CNGB3: variants seen among roughly 807,000 people sequenced by gnomAD.
The protein encoded by CNGB3 is cyclic nucleotide gated channel subunit beta 3.
CNGB3 carries 86 observed loss-of-function variants against 92.8 expected under a neutral mutation model. The observed-to-expected ratio is 0.93, with a 90% CI of 0.78 to 1.11. The LOEUF is 1.11. CNGB3 is among the 50% of genes least tolerant of loss of function. The pLI is 0.00. For synonymous variants in CNGB3, 333 were observed against 332.7 expected (o/e 1.00, Z -0.01); for missense variants, 1,026 against 956.8 (o/e 1.07, Z -0.95).
intron 6 of CNGB3, among the ~76,000 whole-genome samples, chr8:86,666,525 T>C (rs1299739425): frequency 6.6e-6 from 1 of 152,142 alleles, no homozygotes; most frequent in East Asian, 1.9e-4. Flanking sequence ...ATCTTTTTCA[T>C]AGTGTCATTG....
Position 86,734,147 on chromosome 8 carries a change from C to T in CNGB3, c.211+5508G>A, listed in dbSNP as rs111760594. ...CACTGGGATTACAGGCATGAACCAC[C>T]GTGCCTGGCCAGCTTTATTATTATT... On this transcript the variant is annotated intron_variant, in intron 2 of 17. Transcript: ENST00000320005. Among the ~76,000 whole-genome samples the T allele has an allele frequency of 6.3e-3, 957 of 152,266 alleles. 13 individuals carry two copies. The highest frequency in any genetic ancestry group is 0.021 in the African/African-American group (892 of 41,532).
At chr8:86,630,883 A>C (rs1822949459) in intron 11 of CNGB3, among the ~76,000 whole-genome samples, 1 of 152,122 alleles carries the variant, frequency 6.6e-6, no homozygotes, top group Non-Finnish European at 1.5e-5. Context: ...TTAATAAAAA[A>C]AGAGTGATGA....
chr8:86,720,614 A>G (rs1329463391), intron 3 of CNGB3, among the ~76,000 whole-genome samples: 2 of 152,086 alleles, frequency 1.3e-5, no homozygotes, highest in Non-Finnish European at 2.9e-5. Flanking sequence ...GTAAAAGTAG[A>G]TCTACCATTT....
chr8:86,690,269 A>G, intron 3 of CNGB3, among the ~76,000 whole-genome samples: 1 of 152,142 alleles, frequency 6.6e-6, no homozygotes, highest in Non-Finnish European at 1.5e-5. Flanking sequence ...CTGGTGTGAG[A>G]TGGTATCTCA....
At chr8:86,713,424 A>G (rs1271227143) in intron 3 of CNGB3, among the ~76,000 whole-genome samples, 1 of 152,188 alleles carries the variant, frequency 6.6e-6, no homozygotes, top group African/African-American at 2.4e-5. Flanking sequence ...GAGATTTTAC[A>G]GTGCACTTTG....
At chr8:86,620,709 G>A (rs1822708609) in intron 13 of CNGB3, among the ~76,000 whole-genome samples, 1 of 152,166 alleles carries the variant, frequency 6.6e-6, no homozygotes, top group Non-Finnish European at 1.5e-5. Flanking sequence ...TCAGTGAAGG[G>A]AGGAGACTGG....
chr8:86,645,808 GA>G (rs1396334899), intron 8 of CNGB3, among the ~76,000 whole-genome samples: 1 of 151,170 alleles, frequency 6.6e-6, no homozygotes, highest in Admixed American at 6.6e-5. Flanking sequence ...ACAAAGGCAT[GA>G]TTTTAAATTT....
intron 10 of CNGB3, among the ~76,000 whole-genome samples, chr8:86,633,271 G>T (rs887849720): frequency 2.6e-5 from 4 of 152,182 alleles, no homozygotes; most frequent in African/African-American, 9.7e-5. Context: ...TATCTGGAAA[G>T]ATTTGATTGA....
rs550137189 is a variant in CNGB3, at chr8:86,699,933, C to T, written c.338+26598G>A. Among the ~76,000 whole-genome samples, 11 of 152,054 alleles carry T rather than the reference C, an allele frequency of 7.2e-5. No individual in the cohort carries two copies. In the South Asian group the frequency reaches 2.3e-3, roughly 32 times the overall value. ...TTCCCATCCTCCCTTCCTTTCCTCC[C>T]TCTATCATCCAATCTCTCTTTCTTT... is the stretch of plus-strand genomic sequence containing the variant. On this transcript the variant is annotated intron_variant, in intron 3 of 17. Transcript: ENST00000320005.
intron 3 of CNGB3, among the ~76,000 whole-genome samples, chr8:86,720,188 A>G (rs1406525973): frequency 4.6e-5 from 7 of 152,238 alleles, no homozygotes; most frequent in Non-Finnish European, 8.8e-5. Flanking sequence ...AGCAAAGTAA[A>G]TAATCAGCAG....
chr8:86,675,704 A>C (rs1252303469), intron 3 of CNGB3, among the ~76,000 whole-genome samples: 1 of 152,230 alleles, frequency 6.6e-6, no homozygotes, highest in Non-Finnish European at 1.5e-5. Context: ...AGATGGCCTA[A>C]AATTTTATTT....
At chr8:86,587,672 G>A (rs1482413007) in intron 15 of CNGB3, among the ~76,000 whole-genome samples, 1 of 150,924 alleles carries the variant, frequency 6.6e-6, no homozygotes. Context: ...ATTTCTGAGG[G>A]CTCTGTTCTG....
chr8:86,720,813 C>CATATAT (rs4024072), intron 3 of CNGB3, among the ~76,000 whole-genome samples: 13 of 134,444 alleles, frequency 9.7e-5, no homozygotes, highest in East Asian at 4.2e-4. Context: ...TATTCCATGG[C>CATATAT]ATATATATAT....
At chr8:86,636,571 T>TA in intron 10 of CNGB3, among the ~76,000 whole-genome samples, 1 of 21,948 alleles carries the variant, frequency 4.6e-5, no homozygotes, top group African/African-American at 3.4e-4. Context: ...AGACCCTGTC[T>TA]CAAAAAAAAA....
chr8:86,739,786 A>T, intron 1 of CNGB3, 50 bp from the exon 2 acceptor site: 5 of 1,591,060 alleles, frequency 3.1e-6, no homozygotes, highest in Non-Finnish European at 4.3e-6. Context: ...CATAAAAATG[A>T]AGTTGAATGT....
At chr8:86,635,821 GATATAT>G (rs57486853) in intron 10 of CNGB3, among the ~76,000 whole-genome samples, 696 of 60,576 alleles carry the variant, frequency 0.011, 8 homozygotes, top group Middle Eastern at 0.03. Flanking sequence ...TATAACACAT[GATATAT>G]ATATATATAT....
intron 17 of CNGB3, among the ~76,000 whole-genome samples, chr8:86,576,777 T>C (rs963204): frequency 0.59 from 89,462 of 152,110 alleles, 28,100 homozygotes; most frequent in Admixed American, 0.69. Context: ...ACAGATAAAG[T>C]TGAGATTCTT....
intron 3 of CNGB3, among the ~76,000 whole-genome samples, chr8:86,717,173 C>A (rs952270376): frequency 1.3e-5 from 2 of 152,062 alleles, no homozygotes; most frequent in Non-Finnish European, 2.9e-5. Flanking sequence ...ATACCACAAT[C>A]CTAAATATAT....
chr8:86,653,842 A>C (rs999916573), intron 7 of CNGB3, among the ~76,000 whole-genome samples, 170 bp downstream of exon 7: 13 of 152,174 alleles, frequency 8.5e-5, no homozygotes, highest in African/African-American at 2.7e-4. Flanking sequence ...ACCCACTTGC[A>C]CATACAAGGA....
Sources: gnomAD v4.1 joint callset for allele counts (sites outside exome capture counted in the v4.1 genomes callset) on GRCh38, gnomAD v4.1.1 for gene constraint, MANE v1.5 for transcripts, NCBI Gene and HGNC (gene_info 2026-07-23, HGNC 2026-07-21) for gene names.